CENPW: variants seen among roughly 807,000 people sequenced by gnomAD.
CENPW encodes centromere protein W, also known as cancer-up-regulated gene 2 protein.
CENPW carries 3 observed loss-of-function variants against 11.1 expected under a neutral mutation model. The ratio of observed to expected loss-of-function variants is 0.27; its 90% CI spans 0.12 to 0.70. CENPW has a LOEUF of 0.70. CENPW is among the 30% of genes least tolerant of loss of function. The pLI, the probability that CENPW is intolerant of heterozygous loss-of-function variation, is 0.77. For missense variants in CENPW, 100 were observed against 105.6 expected (o/e 0.95, Z 0.23); for synonymous variants, 38 against 42.0 (o/e 0.91, Z 0.37).
At chr6:126,444,118 AT>A in the CENPW span, among the ~76,000 whole-genome samples, 3 of 145,094 alleles carry the variant, frequency 2.1e-5, no homozygotes, top group Non-Finnish European at 4.6e-5. Context: ...GATCTTTTTA[AT>A]TTTTTTTTAA....
rs202232950 is a variant in CENPW at position 126,348,521 on chromosome 6, T to C, written c.*29T>C. On this transcript the variant is annotated 3_prime_UTR_variant, in exon 3 of 3. Transcript: ENST00000368328. ...TCAAAGAACATATTCTTGAAAGTTA[T>C]GATGCATTCTTTTGGGTGGTAACAG... 2.2e-5 allele frequency: 30 copies of C among 1,374,926 alleles called. No individual in the cohort carries two copies. In the East Asian group the frequency reaches 6.2e-4, roughly 29 times the overall value. 85.2% of individuals were successfully genotyped at this position (1,374,926 alleles called of 1,614,324 possible).
chr6:126,473,826 A>C, the CENPW span, among the ~76,000 whole-genome samples: 1 of 149,496 alleles, frequency 6.7e-6, no homozygotes, highest in African/African-American at 2.4e-5. Context: ...TATAGAATAT[A>C]TATGCACAGC....
the CENPW span, among the ~76,000 whole-genome samples, chr6:126,465,666 G>A: frequency 3.3e-5 from 5 of 151,940 alleles, no homozygotes; most frequent in Admixed American, 3.3e-4. Context: ...CATAAAGACA[G>A]AGAAATTAGC....
chr6:126,354,838 G>A, the CENPW span, among the ~76,000 whole-genome samples: 128 of 152,122 alleles, frequency 8.4e-4, no homozygotes, highest in African/African-American at 2.6e-3. Flanking sequence ...TTGGTGGTAC[G>A]TATACTCCAA....
chr6:126,354,028 C>T, the CENPW span, among the ~76,000 whole-genome samples: 6 of 151,520 alleles, frequency 4.0e-5, no homozygotes, highest in African/African-American at 1.2e-4. Context: ...TTTATTTTCA[C>T]GTAATTATCA....
the CENPW span, among the ~76,000 whole-genome samples, chr6:126,401,320 GT>G: frequency 3.9e-5 from 6 of 152,032 alleles, no homozygotes; most frequent in African/African-American, 1.4e-4. Flanking sequence ...TCAACTTTAG[GT>G]TTTTCCTTTG....
At chr6:126,357,520 T>A in the CENPW span, among the ~76,000 whole-genome samples, 1 of 152,214 alleles carries the variant, frequency 6.6e-6, no homozygotes, top group African/African-American at 2.4e-5. Flanking sequence ...AGTATGGCCA[T>A]TTTTATGACA....
the CENPW span, among the ~76,000 whole-genome samples, chr6:126,481,863 TAATG>T: frequency 1.3e-5 from 2 of 152,138 alleles, no homozygotes; most frequent in Non-Finnish European, 2.9e-5. Context: ...TTTAGCACCA[TAATG>T]AATATGTAGT....
chr6:126,348,426 C>T lies in CENPW; in HGVS notation c.241-40C>T, dbSNP rs768287873. ...TGTTAAGGAATGATGTTTTATTTTT[C>T]ATAGATATAATATGAATCTTATTTT... On this transcript the variant is annotated intron_variant, in intron 2 of 2. Coordinates refer to ENST00000368328, the MANE Select transcript of CENPW (RefSeq NM_001012507.4). The T allele has an allele frequency of 7.6e-6, 8 of 1,055,704 alleles. No individual in the cohort carries two copies. In the East Asian group the frequency reaches 9.7e-5, roughly 13 times the overall value. The allele number at this position is 1,055,704 out of a possible 1,614,324, so 65.4% of individuals were successfully genotyped here.
the CENPW span, among the ~76,000 whole-genome samples, chr6:126,409,045 G>A: frequency 2.7e-4 from 41 of 151,746 alleles, no homozygotes; most frequent in East Asian, 3.3e-3. Context: ...TCATTCAGTC[G>A]TTTACTTGAA....
the CENPW span, among the ~76,000 whole-genome samples, chr6:126,397,261 G>A: frequency 1.3e-5 from 2 of 152,078 alleles, no homozygotes; most frequent in Non-Finnish European, 2.9e-5. Flanking sequence ...TCTCCCTAGG[G>A]CTAGTCTAAA....
chr6:126,417,292 A>G, the CENPW span, among the ~76,000 whole-genome samples: 40 of 152,290 alleles, frequency 2.6e-4, no homozygotes, highest in Non-Finnish European at 4.9e-4. Flanking sequence ...GGAAGTAACT[A>G]ACTTGCTTTG....
the CENPW span, among the ~76,000 whole-genome samples, chr6:126,418,121 A>C: frequency 6.6e-6 from 1 of 152,226 alleles, no homozygotes; most frequent in Non-Finnish European, 1.5e-5. Context: ...ATGTGGAGAA[A>C]GTGAAGTTAT....
the CENPW span, among the ~76,000 whole-genome samples, chr6:126,478,641 T>G: frequency 6.6e-6 from 1 of 151,990 alleles, no homozygotes; most frequent in Admixed American, 6.6e-5. Context: ...TTTATTTGCA[T>G]TTTGAAGAGA....
intron 2 of CENPW, among the ~76,000 whole-genome samples, chr6:126,346,751 C>T (rs1027995077): frequency 3.3e-5 from 5 of 152,072 alleles, no homozygotes; most frequent in Non-Finnish European, 7.4e-5. Context: ...ATGGGGAAAA[C>T]CGCCCCCCAT....
the CENPW span, among the ~76,000 whole-genome samples, chr6:126,437,080 T>C: frequency 1.3e-5 from 2 of 151,796 alleles, no homozygotes; most frequent in African/African-American, 2.4e-5. Flanking sequence ...GGTCAACCTG[T>C]ATATGAGTAA....
rs1020882746 is a variant in CENPW at position 126,348,641 on chromosome 6, A to C, written c.*149A>C. 1.8e-6 allele frequency: 1 copy of C among 548,254 alleles called. No individual in the cohort carries two copies. Among genetic ancestry groups the C allele is most frequent in the African/African-American group, 2.0e-5 (1 of 50,592 alleles). The allele number at this position is 548,254 out of a possible 1,614,324, so 34.0% of individuals were successfully genotyped here. A position where few individuals can be genotyped will look rare whatever the true frequency, so the allele number is the denominator to read the frequency against. On this transcript the variant is annotated 3_prime_UTR_variant, in exon 3 of 3. Transcript: ENST00000368328. Reference sequence around the variant, plus strand: ...GTTTGTATTTTTTTTCTGGCATGAAATATCTCAAGTAAATGCATAGGACTA... The same window carrying C: ...GTTTGTATTTTTTTTCTGGCATGAACTATCTCAAGTAAATGCATAGGACTA...
At chr6:126,406,640 T>C in the CENPW span, among the ~76,000 whole-genome samples, 1 of 151,964 alleles carries the variant, frequency 6.6e-6, no homozygotes, top group Non-Finnish European at 1.5e-5. Context: ...TATCACAAGG[T>C]CAGGAGTTCA....
the CENPW span, among the ~76,000 whole-genome samples, chr6:126,419,070 T>C: frequency 6.6e-6 from 1 of 151,902 alleles, no homozygotes; most frequent in African/African-American, 2.4e-5. Context: ...CCCTAGAACT[T>C]AAAAAGTATA....
Sources: allele counts gnomAD v4.1 joint callset (sites outside exome capture counted in the v4.1 genomes callset), GRCh38; gene constraint gnomAD v4.1.1; transcripts MANE v1.5; gene names NCBI Gene and HGNC (gene_info 2026-07-23, HGNC 2026-07-21).